The following HTT variants were observed in gnomAD, a reference collection of about 807,000 sequenced individuals.
The protein encoded by HTT is huntington disease protein.
Under a neutral mutation model 362.3 loss-of-function variants are expected in HTT, and 104 were observed. The ratio of observed to expected loss-of-function variants is 0.29; its 90% confidence interval spans 0.24 to 0.34. HTT has a LOEUF of 0.34. HTT is among the 10% of genes least tolerant of loss of function. The pLI is 1.00. For missense variants in HTT, 3,301 were observed against 3,928.6 expected, an observed-to-expected ratio of 0.84 and a Z score of 4.27; for synonymous variants, 1,577 against 1,548.7, an observed-to-expected ratio of 1.02 and a Z score of -0.43.
chr4:3,103,923 T>C, intron 4 of HTT, 40 bp downstream of exon 4: 1 of 1,200,504 alleles, frequency 8.3e-7, no homozygotes, highest in Non-Finnish European at 1.2e-6. Flanking sequence ...TTTTAAATTT[T>C]AAATTTTTAT....
chr4:3,131,243 T>G, intron 14 of HTT, 43 bp from the exon 15 acceptor site: 1 of 1,354,956 alleles, frequency 7.4e-7, no homozygotes, highest in Non-Finnish European at 1.1e-6. Context: ...CATGAATGTA[T>G]TGTTGAGTAT....
At chr4:3,102,146 C>T (rs1192676883) in intron 3 of HTT, among the ~76,000 whole-genome samples, 2 of 151,978 alleles carry the variant, frequency 1.3e-5, no homozygotes, top group Admixed American at 1.3e-4. Flanking sequence ...GGGAGGGAGT[C>T]CAGGTGGGAG....
Position 3,140,645 on chromosome 4 carries a change from C to T in HTT, c.2934C>T (p.Ser978=). 3 of 1,614,022 alleles carry T rather than the reference C, an allele frequency of 1.9e-6. No individual in the cohort carries two copies. The highest frequency in any genetic ancestry group is 2.5e-6 in the Non-Finnish European group (3 of 1,179,910). The change falls in exon 22 of 67, where the codon AGC becomes AGT. Residue 978 remains serine, a synonymous_variant. Transcript: ENST00000355072. ...ETQPPSHFSV[S]TITRIYRGYN... Reference sequence around the variant, plus strand: ...AGCCTCCATCTCATTTCTCCGTCAGCACAATAACCAGGTATGCTGACCCAG... The same window carrying T: ...AGCCTCCATCTCATTTCTCCGTCAGTACAATAACCAGGTATGCTGACCCAG...
chr4:3,222,879 C>G (rs908040010), intron 54 of HTT, among the ~76,000 whole-genome samples: 3 of 152,160 alleles, frequency 2.0e-5, no homozygotes, highest in African/African-American at 7.2e-5. Flanking sequence ...TTTTATCAGG[C>G]TTCTTGAAGT....
intron 47 of HTT, among the ~76,000 whole-genome samples, chr4:3,210,919 T>TTTTTTTTTTTTTTTA (rs1720125781): frequency 6.6e-6 from 1 of 150,638 alleles, no homozygotes; most frequent in South Asian, 2.1e-4. Context: ...TTTTTTTTTT[T>TTTTTTTTTTTTTTTA]GAGACAAAGT....
rs529749148 is a variant in HTT at position 3,123,001 on chromosome 4, T to C, written c.1321+65T>C. 8 of 1,288,852 alleles carry C rather than the reference T, an allele frequency of 6.2e-6. No homozygotes were observed. In the African/African-American group the frequency reaches 8.8e-5, roughly 14 times the overall value. The allele number at this position is 1,288,852 out of a possible 1,614,324, so 79.8% of individuals were successfully genotyped here. A position where few individuals can be genotyped will look rare whatever the true frequency, so the allele number is the denominator to read the frequency against. On this transcript the variant is annotated intron_variant, in intron 10 of 66. Coordinates refer to ENST00000355072, the MANE Select transcript of HTT (RefSeq NM_001388492.1). Reference sequence around the variant, plus strand: ...CTGATTTTCTTGTATTTCTGTAATGTAATGTATCTTGTATTTCTTGTAATA... The same window carrying C: ...CTGATTTTCTTGTATTTCTGTAATGCAATGTATCTTGTATTTCTTGTAATA...
Position 3,107,399 on chromosome 4 carries a change from T to C in HTT, c.723T>C (p.Asn241=). The C allele has an allele frequency of 6.2e-7, 1 of 1,614,210 alleles. No homozygotes were observed. Among genetic ancestry groups the C allele is most frequent in the Non-Finnish European group, 8.5e-7 (1 of 1,180,038 alleles). Reference sequence around the variant, plus strand: ...CCAAAATTATGGCTTCTTTTGGCAATTTTGCAAATGACAATGAAATTAAGG... The same window carrying C: ...CCAAAATTATGGCTTCTTTTGGCAACTTTGCAAATGACAATGAAATTAAGG... ...AVPKIMASFG[N]FANDNEIKVL... is the part of the protein sequence containing the mutation. Residue 241 remains asparagine, a synonymous_variant, in exon 6 of 67, where the codon AAT becomes AAC. Transcript: ENST00000355072.
chr4:3,235,357 C>T lies in HTT; in HGVS notation c.8530C>T (p.Pro2844Ser). 6.2e-7 allele frequency: 1 copy of T among 1,613,826 alleles called. No homozygotes were observed. Among genetic ancestry groups the T allele is most frequent in the Non-Finnish European group, 8.5e-7 (1 of 1,179,674 alleles). Residue 2844 changes from proline to serine, a missense_variant, in exon 62 of 67, where the codon CCT becomes TCT. Physicochemically the swap from Pro to Ser is moderately conservative, Grantham distance 74. Around this residue, in one of 4 missense-constraint regions of HTT, gnomAD observed 753 missense variants for 1,021.3 expected, o/e 0.74. Transcript: ENST00000355072. ...ATAFYLIENY[P>S]LDVGPEFSAS... ...TGCGTTTTACCTCATTGAGAACTAT[C>T]CTCTGGACGTAGGGCCGGAATTTTC...
chr4:3,121,509 C>T, intron 9 of HTT, 77 bp downstream of exon 9: 1 of 954,300 alleles, frequency 1.0e-6, no homozygotes, highest in Non-Finnish European at 1.6e-6. Context: ...TATGGGCCTG[C>T]CCTGTGCTAA....
Position 3,074,883 on chromosome 4 carries a change from C to CAGCAGG in HTT, c.63_64insGAGCAG (p.Gln21_Gln22insGluGln). 1 of 972,340 alleles carries CAGCAGG rather than the reference C, an allele frequency of 1.0e-6. No homozygotes were observed. The allele number at this position is 972,340 out of a possible 1,614,324, so 60.2% of individuals were successfully genotyped here. A position where few individuals can be genotyped will look rare whatever the true frequency, so the allele number is the denominator to read the frequency against. On this transcript the variant is annotated inframe_insertion, in exon 1 of 67. Coordinates refer to ENST00000355072, the MANE Select transcript of HTT (RefSeq NM_001388492.1). Reference sequence around the variant, plus strand: ...CGAGTCCCTCAAGTCCTTCCAGCAGCAGCAGCAGCAGCAGCAGCAGCAGCA... The same window carrying CAGCAGG: ...CGAGTCCCTCAAGTCCTTCCAGCAGCAGCAGGAGCAGCAGCAGCAGCAGCAGCAGCA...
At chr4:3,105,023 A>G (rs757956053) in intron 4 of HTT, among the ~76,000 whole-genome samples, 5 of 152,216 alleles carry the variant, frequency 3.3e-5, no homozygotes, top group Admixed American at 1.3e-4. Flanking sequence ...TCACTGAGCA[A>G]ACTTCACTCT....
chr4:3,177,526 G>A (rs570525930), intron 34 of HTT, 139 bp downstream of exon 34: 90 of 573,570 alleles, frequency 1.6e-4, no homozygotes, highest in African/African-American at 1.5e-3. Flanking sequence ...AACATACTGT[G>A]CATTTTTGCT....
At chr4:3,104,332 G>T (rs1293614812) in intron 4 of HTT, among the ~76,000 whole-genome samples, 1 of 151,302 alleles carries the variant, frequency 6.6e-6, no homozygotes, top group Non-Finnish European at 1.5e-5. Context: ...AAAACAGTCA[G>T]GGCACAGTGG....
At chr4:3,157,838 GT>G (rs1254545699) in intron 28 of HTT, among the ~76,000 whole-genome samples, 1 of 151,704 alleles carries the variant, frequency 6.6e-6, no homozygotes, top group African/African-American at 2.4e-5. Context: ...TTTAATTTTT[GT>G]TTTTGGTTGT....
chr4:3,212,024 G>A lies in HTT; in HGVS notation c.6510G>A (p.Glu2170=). ...QKSALFEAAR[E]VTLARVSGTV... Reference sequence around the variant, plus strand: ...GTGCCCTTTTTGAAGCAGCCCGTGAGGTGACTCTGGCCCGTGTGAGCGGCA... The same window carrying A: ...GTGCCCTTTTTGAAGCAGCCCGTGAAGTGACTCTGGCCCGTGTGAGCGGCA... Residue 2170 remains glutamate, a synonymous_variant, in exon 48 of 67, where the codon GAG becomes GAA. Transcript: ENST00000355072. 1.9e-6 allele frequency: 3 copies of A among 1,614,220 alleles called. No individual in the cohort carries two copies. The highest frequency in any genetic ancestry group is 2.5e-6 in the Non-Finnish European group (3 of 1,180,032).
chr4:3,166,348 G>A (rs1717705718), intron 29 of HTT, among the ~76,000 whole-genome samples: 1 of 152,200 alleles, frequency 6.6e-6, no homozygotes. Context: ...CTACTGGGAG[G>A]TGTCTCCCAG....
Position 3,206,354 on chromosome 4 carries a change from G to A in HTT, c.5719-142G>A. ...GTTTCCTACCTCCTCAATTATTTGTGCTCATACACTGTATATTTTTAGTGA... is the reference window on the plus strand; with the variant it reads ...GTTTCCTACCTCCTCAATTATTTGTACTCATACACTGTATATTTTTAGTGA... On this transcript the variant is annotated intron_variant, in intron 42 of 66. Transcript: ENST00000355072. This position sits in a 1 kb window ranked among gnomAD's most constrained non-coding sequence, Gnocchi z 4.6. 1.5e-6 allele frequency: 1 copy of A among 652,250 alleles called. No homozygotes were observed. The highest frequency in any genetic ancestry group is 2.6e-6 in the Non-Finnish European group (1 of 380,120). 40.4% of individuals were successfully genotyped at this position (652,250 alleles called of 1,614,324 possible). A position where few individuals can be genotyped will look rare whatever the true frequency, so the allele number is the denominator to read the frequency against.
At chr4:3,084,821 G>A (rs1183316945) in intron 1 of HTT, among the ~76,000 whole-genome samples, 1 of 151,708 alleles carries the variant, frequency 6.6e-6, no homozygotes, top group Non-Finnish European at 1.5e-5. Flanking sequence ...AGACCATCCC[G>A]GCTAACACGG....
At chr4:3,141,995 A>G (rs1578532276) in intron 22 of HTT, among the ~76,000 whole-genome samples, 2 of 152,312 alleles carry the variant, frequency 1.3e-5, no homozygotes, top group Admixed American at 6.5e-5. Flanking sequence ...ATTTCAGAAG[A>G]TGAATATTTA....
Sources: gnomAD v4.1 joint callset for allele counts (sites outside exome capture counted in the v4.1 genomes callset) on GRCh38, gnomAD v4.1.1 for gene constraint, gnomAD v4.1.1 regional missense constraint, Gnocchi (gnomAD v3.1) non-coding constraint, MANE v1.5 for transcripts, NCBI Gene and HGNC (gene_info 2026-07-23, HGNC 2026-07-21) for gene names.